Variants in CD302 observed in about 807,000 individuals in gnomAD.
CD302 encodes the protein CD302 antigen.
In CD302, 23 loss-of-function variants were observed where a neutral mutation model predicts 26.5. The ratio of observed to expected loss-of-function variants is 0.87; its 90% CI spans 0.62 to 1.23. The LOEUF (loss-of-function observed/expected upper bound fraction) is 1.23, where lower values mean the gene tolerates loss of function less well. Ranked by LOEUF, CD302 falls within the 50% of genes most tolerant of loss-of-function variation. CD302 has a pLI of 0.00. For missense variants in CD302, 290 were observed against 275.5 expected, an observed-to-expected ratio of 1.05 and a Z score of -0.37; for synonymous variants, 90 against 99.4, an observed-to-expected ratio of 0.91 and a Z score of 0.56.
chr2:159,797,945 G>A (rs1451989111), intron 1 of CD302, among the ~76,000 whole-genome samples, 187 bp downstream of exon 1: 5 of 152,220 alleles, frequency 3.3e-5, no homozygotes, highest in Admixed American at 6.5e-5. Context: ...CTCCCCGAGG[G>A]CAGGCGGGTG....
At chr2:159,784,265 TTC>T (rs1325429941) in intron 1 of CD302, among the ~76,000 whole-genome samples, 1 of 151,974 alleles carries the variant, frequency 6.6e-6, no homozygotes, top group East Asian at 1.9e-4. Flanking sequence ...AGCGTCCATA[TTC>T]TGTTAGGTTT....
intron 5 of CD302, among the ~76,000 whole-genome samples, chr2:159,776,949 T>C (rs988919182): frequency 5.3e-5 from 8 of 152,138 alleles, no homozygotes; most frequent in African/African-American, 1.2e-4. Context: ...ACCAAAAATA[T>C]AGGCAACTCA....
rs1001288706 is a variant in CD302, at chr2:159,772,070, A to T, written c.497-17T>A. Reference sequence around the variant, plus strand: ...TGTGGTTATCTGAAAAGGAAAAGACAAAAGAGTATTTGGGAAATTAGGGTA... The same window carrying T: ...TGTGGTTATCTGAAAAGGAAAAGACTAAAGAGTATTTGGGAAATTAGGGTA... On this transcript the variant is annotated splice_polypyrimidine_tract_variant and intron_variant, in intron 5 of 5. Coordinates refer to ENST00000259053, the MANE Select transcript of CD302 (RefSeq NM_014880.5). 5.6e-6 allele frequency: 9 copies of T among 1,612,640 alleles called. No homozygotes were observed. The African/African-American group carries it at 1.1e-4, about 19-fold the overall frequency.
intron 1 of CD302, among the ~76,000 whole-genome samples, chr2:159,794,169 G>A (rs1708881769): frequency 1.3e-5 from 2 of 151,702 alleles, no homozygotes; most frequent in Admixed American, 1.3e-4. Flanking sequence ...GGGGGCTGAG[G>A]TGGGAGGATC....
intron 2 of CD302, 76 bp downstream of exon 2, chr2:159,783,283 A>G: frequency 8.0e-7 from 1 of 1,251,478 alleles, no homozygotes; most frequent in Non-Finnish European, 1.1e-6. Flanking sequence ...ATGTGACAAA[A>G]TCAATTTTTA....
At chr2:159,789,326 AC>A (rs1708747531) in intron 1 of CD302, among the ~76,000 whole-genome samples, 1 of 151,572 alleles carries the variant, frequency 6.6e-6, no homozygotes, top group African/African-American at 2.4e-5. Flanking sequence ...ATGCTGTTAA[AC>A]CCCATCTATT....
intron 1 of CD302, among the ~76,000 whole-genome samples, chr2:159,791,908 A>G (rs948973477): frequency 2.6e-5 from 4 of 152,272 alleles, no homozygotes; most frequent in Admixed American, 2.0e-4. Context: ...TGACGCAGTT[A>G]TGCAAAAGGA....
chr2:159,789,145 G>T (rs1003882225), intron 1 of CD302, among the ~76,000 whole-genome samples: 1 of 143,980 alleles, frequency 6.9e-6, no homozygotes, highest in African/African-American at 2.6e-5. Flanking sequence ...AGCCTCCTGA[G>T]TAGACAGGAT....
Position 159,770,866 on chromosome 2 carries a change from A to G in CD302, c.*985T>C, listed in dbSNP as rs1418072827. 2.0e-5 allele frequency: 3 copies of G among 152,116 alleles called. No homozygotes were observed. Among genetic ancestry groups the G allele is most frequent in the South Asian group, 4.1e-4 (2 of 4,832 alleles). 9.4% of individuals were successfully genotyped at this position (152,116 alleles called of 1,614,324 possible). A position where few individuals can be genotyped will look rare whatever the true frequency, so the allele number is the denominator to read the frequency against. ...CCCCATTGATAAGTGATACGTGACT[A>G]ATTTACGTGAAATTTATACATTCTT... On this transcript the variant is annotated 3_prime_UTR_variant, in exon 6 of 6. Coordinates refer to ENST00000259053, the MANE Select transcript of CD302 (RefSeq NM_014880.5).
At chr2:159,785,573 C>A (rs1378809699) in intron 1 of CD302, among the ~76,000 whole-genome samples, 2 of 152,216 alleles carry the variant, frequency 1.3e-5, no homozygotes, top group Non-Finnish European at 2.9e-5. Context: ...GGTCTGAAAA[C>A]AAGACACTTG....
intron 1 of CD302, among the ~76,000 whole-genome samples, chr2:159,793,063 G>T (rs758667350): frequency 1.3e-5 from 2 of 152,134 alleles, no homozygotes; most frequent in Non-Finnish European, 2.9e-5. Context: ...CGTCTTCAAC[G>T]CTAAGTATCT....
At chr2:159,796,391 G>A (rs1364545161) in intron 1 of CD302, among the ~76,000 whole-genome samples, 2 of 152,110 alleles carry the variant, frequency 1.3e-5, no homozygotes, top group African/African-American at 2.4e-5. Context: ...ACGTTTTCTG[G>A]TTGCAACAAT....
chr2:159,797,570 A>C (rs1682493431), intron 1 of CD302, among the ~76,000 whole-genome samples: 1 of 152,198 alleles, frequency 6.6e-6, no homozygotes, highest in Non-Finnish European at 1.5e-5. Flanking sequence ...AGCTTTGCCT[A>C]TTCCCGTTCC....
chr2:159,781,141 A>G (rs1227130684), intron 2 of CD302, 143 bp from the exon 3 acceptor site: 2 of 670,180 alleles, frequency 3.0e-6, no homozygotes, highest in African/African-American at 1.8e-5. Flanking sequence ...AGTTCATACA[A>G]GCTAATAAGG....
chr2:159,773,966 C>T (rs1261338287), intron 5 of CD302, among the ~76,000 whole-genome samples: 2 of 152,024 alleles, frequency 1.3e-5, no homozygotes, highest in Non-Finnish European at 2.9e-5. Context: ...ATTTCTTAAG[C>T]CCATTTAATC....
intron 5 of CD302, among the ~76,000 whole-genome samples, chr2:159,773,732 T>C (rs1244651492): frequency 1.3e-5 from 2 of 152,162 alleles, no homozygotes; most frequent in East Asian, 1.9e-4. Context: ...ATTAAAACAA[T>C]GTGTAGTTTA....
chr2:159,782,531 C>T (rs975524663), intron 2 of CD302, among the ~76,000 whole-genome samples: 2 of 150,670 alleles, frequency 1.3e-5, no homozygotes, highest in Non-Finnish European at 1.5e-5. Context: ...CCAAGAGTTT[C>T]AGACCAGCCT....
At position 159,771,652 on chromosome 2, in the gene CD302, G is replaced by A; in HGVS notation, c.*199C>T. ...CGGGATGCTTAAAATCACTATATTA[G>A]ATCTAAGATCATTTCTAAAACCTGT... On this transcript the variant is annotated 3_prime_UTR_variant, in exon 6 of 6. Coordinates refer to ENST00000259053, the MANE Select transcript of CD302 (RefSeq NM_014880.5). The A allele has an allele frequency of 1.7e-6, 1 of 585,502 alleles. No individual in the cohort carries two copies. The highest frequency in any genetic ancestry group is 2.9e-6 in the Non-Finnish European group (1 of 348,762). 36.3% of individuals were successfully genotyped at this position (585,502 alleles called of 1,614,324 possible). A position where few individuals can be genotyped will look rare whatever the true frequency, so the allele number is the denominator to read the frequency against.
chr2:159,797,118 T>G (rs1391323415), intron 1 of CD302, among the ~76,000 whole-genome samples: 1 of 150,200 alleles, frequency 6.7e-6, no homozygotes, highest in African/African-American at 2.5e-5. Context: ...ATCCAAGTTC[T>G]GAGCTGCTGC....
Sources: gnomAD v4.1 joint callset for allele counts (sites outside exome capture counted in the v4.1 genomes callset) on GRCh38, gnomAD v4.1.1 for gene constraint, MANE v1.5 for transcripts, NCBI Gene and HGNC (gene_info 2026-07-23, HGNC 2026-07-21) for gene names.